The following GPR176 variants were observed in gnomAD, a reference collection of about 807,000 sequenced individuals.
GPR176 encodes G-protein coupled receptor 176.
GPR176 carries 26 observed loss-of-function variants against 35.4 expected under a neutral mutation model. The ratio of observed to expected loss-of-function variants is 0.74; its 90% CI spans 0.54 to 1.02. The LOEUF is 1.02. Among genes scored for constraint, GPR176 ranks in the 50% least tolerant of loss-of-function variants. GPR176 has a pLI of 0.00. For missense variants in GPR176, 597 were observed against 665.3 expected (o/e 0.90, Z 1.13); for synonymous variants, 278 against 271.3 (o/e 1.02, Z -0.24).
At chr15:39,846,399 G>C (rs916807376) in intron 1 of GPR176, among the ~76,000 whole-genome samples, 2 of 152,168 alleles carry the variant, frequency 1.3e-5, no homozygotes, top group Non-Finnish European at 2.9e-5. Context: ...GCCTAGCAGA[G>C]AGCTAGAACT....
intron 1 of GPR176, among the ~76,000 whole-genome samples, chr15:39,844,484 A>G (rs964025165): frequency 6.6e-5 from 10 of 152,054 alleles, no homozygotes; most frequent in African/African-American, 2.4e-4. Context: ...CACCACAGTC[A>G]CAGGATCAGC....
chr15:39,904,385 T>C (rs2033364451), intron 1 of GPR176, among the ~76,000 whole-genome samples: 1 of 152,158 alleles, frequency 6.6e-6, no homozygotes, highest in East Asian at 1.9e-4. Context: ...ATATAATAGA[T>C]ATAAAGTAAG....
chr15:39,801,484 T>C lies in GPR176; in HGVS notation c.1196A>G (p.Asp399Gly). The C allele has an allele frequency of 6.2e-7, 1 of 1,614,152 alleles. No individual in the cohort carries two copies. Among genetic ancestry groups the C allele is most frequent in the South Asian group, 1.1e-5 (1 of 91,088 alleles). The change falls in exon 3 of 3, where the codon GAC (aspartate) becomes GGC (glycine). Residue 399 changes from aspartate (D) to glycine (G), a missense_variant. Asp to Gly is a moderately conservative substitution (Grantham distance 94). This residue lies in a region of GPR176 where 251 missense variants were observed against 255.4 expected (regional missense o/e 0.98). Coordinates refer to ENST00000561100, the MANE Select transcript of GPR176 (RefSeq NM_007223.3). The stretch of plus-strand genomic sequence containing the variant: ...GCTAAATATCTCCTTGGCCTGGAAG[T>C]CAGCTGAGCCAATGTACTTGGCCTC... ...ESEAKYIGSA[D>G]FQAKEIFSTC...
At chr15:39,818,385 G>A (rs1168646125) in intron 1 of GPR176, among the ~76,000 whole-genome samples, 1 of 152,140 alleles carries the variant, frequency 6.6e-6, no homozygotes, top group African/African-American at 2.4e-5. Flanking sequence ...AAAATTCATG[G>A]TGAATATTAA....
At chr15:39,839,558 A>G (rs1901617191) in intron 1 of GPR176, among the ~76,000 whole-genome samples, 1 of 152,218 alleles carries the variant, frequency 6.6e-6, no homozygotes, top group South Asian at 2.1e-4. Context: ...CATTCAGGAC[A>G]TAGGCATGGG....
intron 1 of GPR176, among the ~76,000 whole-genome samples, chr15:39,858,978 C>A (rs2031421131): frequency 1.3e-5 from 2 of 152,168 alleles, no homozygotes; most frequent in Admixed American, 6.5e-5. Context: ...AATTCCTGAC[C>A]TCAGGTGGTC....
chr15:39,871,784 A>C (rs951620900), intron 1 of GPR176, among the ~76,000 whole-genome samples: 1 of 152,162 alleles, frequency 6.6e-6, no homozygotes, highest in African/African-American at 2.4e-5. Flanking sequence ...CCTTTCTATT[A>C]CTTGATTTCC....
intron 1 of GPR176, among the ~76,000 whole-genome samples, chr15:39,838,797 A>G (rs1901565883): frequency 6.6e-6 from 1 of 152,102 alleles, no homozygotes; most frequent in African/African-American, 2.4e-5. Context: ...CTCTCTCACC[A>G]CTCCTATTCA....
intron 1 of GPR176, among the ~76,000 whole-genome samples, chr15:39,851,628 C>T (rs2030871463): frequency 1.3e-5 from 2 of 152,166 alleles, no homozygotes; most frequent in Admixed American, 1.3e-4. Context: ...TAAGGCAATG[C>T]TTGGTTCTCA....
At chr15:39,853,763 A>G (rs988550364) in intron 1 of GPR176, among the ~76,000 whole-genome samples, 18 of 152,242 alleles carry the variant, frequency 1.2e-4, no homozygotes, top group Admixed American at 1.1e-3. Context: ...TATTATAAAC[A>G]TCCTCACAAA....
At chr15:39,819,891 A>G (rs568518) in intron 1 of GPR176, among the ~76,000 whole-genome samples, 1 of 152,196 alleles carries the variant, frequency 6.6e-6, no homozygotes, top group Non-Finnish European at 1.5e-5. Context: ...GATTTTGGAA[A>G]TGAAAGCTTC....
intron 1 of GPR176, chr15:39,813,156 C>T (rs1281347061): frequency 6.6e-6 from 1 of 152,066 alleles, no homozygotes; most frequent in Non-Finnish European, 1.5e-5. Flanking sequence ...ATATATATTG[C>T]TACAATTTCT....
intron 1 of GPR176, among the ~76,000 whole-genome samples, chr15:39,876,791 T>C (rs2032264144): frequency 6.6e-6 from 1 of 151,344 alleles, no homozygotes; most frequent in African/African-American, 2.4e-5. Context: ...ATCCCACCAC[T>C]GTACTCCAGA....
intron 1 of GPR176, among the ~76,000 whole-genome samples, chr15:39,912,617 CA>C (rs150704404): frequency 0.014 from 957 of 70,466 alleles, 3 homozygotes; most frequent in Non-Finnish European, 0.021. Flanking sequence ...GACCCTGTCT[CA>C]AAAAAAAAAA....
chr15:39,863,682 C>T (rs1393215555), intron 1 of GPR176, among the ~76,000 whole-genome samples: 2 of 152,190 alleles, frequency 1.3e-5, no homozygotes, highest in Admixed American at 1.3e-4. Flanking sequence ...GTCCTGCAAG[C>T]TCCATTCATG....
At chr15:39,840,128 C>G (rs907873226) in intron 1 of GPR176, among the ~76,000 whole-genome samples, 1 of 152,170 alleles carries the variant, frequency 6.6e-6, no homozygotes, top group Non-Finnish European at 1.5e-5. Flanking sequence ...AATCCCATGA[C>G]TGGGTATATA....
intron 1 of GPR176, among the ~76,000 whole-genome samples, chr15:39,876,864 A>G (rs2032268695): frequency 1.3e-5 from 2 of 151,576 alleles, no homozygotes; most frequent in South Asian, 4.2e-4. Flanking sequence ...GAGAGAGAGA[A>G]AGAGAGACAG....
chr15:39,846,332 A>G lies in GPR176; in HGVS notation c.173-39074T>C, dbSNP rs530948579. ...GGGCATAGGCCAAGCTAACCATGAG[A>G]GGAATTTAGTTTATAGTTTAACTTT... On this transcript the variant is annotated intron_variant, in intron 1 of 2. Coordinates refer to ENST00000561100, the MANE Select transcript of GPR176 (RefSeq NM_007223.3). Among the ~76,000 whole-genome samples, 5 of 152,340 alleles carry G rather than the reference A, an allele frequency of 3.3e-5. No homozygotes were observed. The East Asian group carries it at 9.7e-4, about 29-fold the overall frequency.
chr15:39,823,373 G>A (rs72729417), intron 1 of GPR176, among the ~76,000 whole-genome samples: 1 of 152,162 alleles, frequency 6.6e-6, no homozygotes, highest in Non-Finnish European at 1.5e-5. Flanking sequence ...ATCCATCTCA[G>A]AAAATGATAC....
Sources: allele counts gnomAD v4.1 joint callset (sites outside exome capture counted in the v4.1 genomes callset), GRCh38; gene constraint gnomAD v4.1.1; regional missense constraint gnomAD v4.1.1; transcripts MANE v1.5; gene names NCBI Gene and HGNC (gene_info 2026-07-23, HGNC 2026-07-21).